Variants in DNAH12 observed in about 807,000 individuals in gnomAD.
The protein encoded by DNAH12 is axonemal beta dynein heavy chain 12.
DNAH12 carries 285 observed loss-of-function variants against 371.5 expected under a neutral mutation model. The observed-to-expected ratio is 0.77, with a 90% confidence interval of 0.70 to 0.85. The LOEUF is 0.85. Ranked by LOEUF, DNAH12 falls within the 40% of genes least tolerant of loss-of-function variation. The pLI, the probability that DNAH12 is intolerant of heterozygous loss-of-function variation, is 0.00. For synonymous variants in DNAH12, 1,200 were observed against 1,213.0 expected, an observed-to-expected ratio of 0.99 and a Z score of 0.22; for missense variants, 3,611 against 3,689.4, an observed-to-expected ratio of 0.98 and a Z score of 0.55.
chr3:57,326,138 G>A (rs1210057741), intron 62 of DNAH12, among the ~76,000 whole-genome samples: 2 of 151,938 alleles, frequency 1.3e-5, no homozygotes, highest in African/African-American at 4.8e-5. Flanking sequence ...ACACTCTGCA[G>A]GATATTATCC....
In DNAH12 at chr3:57,301,677, T is replaced by C; in HGVS notation, c.11394+58A>G. 4.3e-6 allele frequency: 5 copies of C among 1,149,896 alleles called. No homozygotes were observed. In the South Asian group the frequency reaches 5.9e-5, roughly 14 times the overall value. 71.2% of individuals were successfully genotyped at this position (1,149,896 alleles called of 1,614,324 possible). A position where few individuals can be genotyped will look rare whatever the true frequency, so the allele number is the denominator to read the frequency against. On this transcript the variant is annotated intron_variant, in intron 70 of 73. Transcript: ENST00000495027. ...ATTTTACATATTTATACATGTATTT[T>C]ACACACACACACACACACACACACA...
chr3:57,468,283 C>A (rs1430754415), intron 17 of DNAH12, among the ~76,000 whole-genome samples: 2 of 152,114 alleles, frequency 1.3e-5, no homozygotes, highest in Non-Finnish European at 2.9e-5. Context: ...CTGCAGTGAG[C>A]TATGACTATG....
rs769294621 is a variant in DNAH12, at chr3:57,425,144, G to C, written c.5254-3C>G. The C allele has an allele frequency of 1.4e-6, 1 of 693,196 alleles. No individual in the cohort carries two copies. The highest frequency in any genetic ancestry group is 2.6e-6 in the Non-Finnish European group (1 of 382,560). 42.9% of individuals were successfully genotyped at this position (693,196 alleles called of 1,614,324 possible). ...CTGTTGCTTGTAGGAATCAGTTCCT[G>C]CAAGGTGAAAATAAGATAACTTTCT... On this transcript the variant is annotated splice_polypyrimidine_tract_variant and splice_region_variant and intron_variant, in intron 34 of 73. Coordinates refer to ENST00000495027, the MANE Select transcript of DNAH12 (RefSeq NM_001366028.2).
intron 27 of DNAH12, among the ~76,000 whole-genome samples, chr3:57,445,815 C>A (rs961200071): frequency 4.0e-5 from 6 of 151,750 alleles, no homozygotes; most frequent in Non-Finnish European, 7.4e-5. Context: ...GGTAAAACCC[C>A]GTCTTTACTA....
chr3:57,379,842 CAAAAAAAAAAA>C (rs1170490495), intron 51 of DNAH12, among the ~76,000 whole-genome samples: 4 of 22,382 alleles, frequency 1.8e-4, no homozygotes, highest in Non-Finnish European at 2.8e-4. Context: ...CTCTGTCTCC[CAAAAAAAAAAA>C]AAAAAAAAAA....
chr3:57,546,217 T>C (rs945015721), upstream of DNAH12, among the ~76,000 whole-genome samples: 1 of 152,158 alleles, frequency 6.6e-6, no homozygotes, highest in Non-Finnish European at 1.5e-5. Context: ...CCCAGCCTCA[T>C]AGGGGGCACC....
chr3:57,530,409 T>A (rs2068800135), intron 2 of DNAH12: 2 of 607,212 alleles, frequency 3.3e-6, no homozygotes, highest in Non-Finnish European at 6.0e-6. Flanking sequence ...CTCTAGCACA[T>A]AGCCATCTGC....
At chr3:57,361,598 C>T (rs968936788) in intron 58 of DNAH12, among the ~76,000 whole-genome samples, 12 of 151,554 alleles carry the variant, frequency 7.9e-5, no homozygotes, top group African/African-American at 1.5e-4. Context: ...AAGATAATGA[C>T]GGAATTAATG....
At chr3:57,505,132 G>A (rs981373147) in intron 8 of DNAH12, among the ~76,000 whole-genome samples, 1 of 151,890 alleles carries the variant, frequency 6.6e-6, no homozygotes, top group Non-Finnish European at 1.5e-5. Flanking sequence ...CAAGTGACCC[G>A]CCTGCTTTGG....
rs933127502 is a variant in DNAH12 at position 57,462,552 on chromosome 3, G to A, written c.2535+138C>T. 39 of 996,110 alleles carry A rather than the reference G, an allele frequency of 3.9e-5. 1 individual carries two copies. The highest frequency in any genetic ancestry group is 9.8e-5 in the African/African-American group (6 of 61,144). 61.7% of individuals were successfully genotyped at this position (996,110 alleles called of 1,614,324 possible). A position where few individuals can be genotyped will look rare whatever the true frequency, so the allele number is the denominator to read the frequency against. On this transcript the variant is annotated intron_variant, in intron 18 of 73. Coordinates refer to ENST00000495027, the MANE Select transcript of DNAH12 (RefSeq NM_001366028.2). ...CAGATGTGAGCTACCGCACCCAGCC[G>A]GAGAGTGGTCTTCTATCACTCTCCC...
At chr3:57,380,211 A>G (rs1329401222) in intron 51 of DNAH12, 67 bp downstream of exon 51, 1 of 152,176 alleles carries the variant, frequency 6.6e-6, no homozygotes, top group Non-Finnish European at 1.5e-5. Context: ...AAACTATTGC[A>G]TAATATTAAC....
At chr3:57,441,985 G>A (rs781689723) in intron 29 of DNAH12, among the ~76,000 whole-genome samples, 12 of 152,106 alleles carry the variant, frequency 7.9e-5, no homozygotes, top group Non-Finnish European at 1.5e-4. Context: ...TGACTTCTAA[G>A]CACAACACTG....
chr3:57,437,033 A>G lies in DNAH12; in HGVS notation c.4573T>C (p.Cys1525Arg), dbSNP rs1331014569. 6.6e-7 allele frequency: 1 copy of G among 1,519,124 alleles called. No homozygotes were observed. Among genetic ancestry groups the G allele is most frequent in the Non-Finnish European group, 8.8e-7 (1 of 1,138,632 alleles). The allele number at this position is 1,519,124 out of a possible 1,614,324, so 94.1% of individuals were successfully genotyped here. Residue 1525 changes from cysteine (C) to arginine (R), a missense_variant, in exon 30 of 74, where the codon TGC becomes CGC. Around this residue, in one of 3 missense-constraint regions of DNAH12, gnomAD observed 2,266 missense variants for 2,236.9 expected, o/e 1.01. Coordinates refer to ENST00000495027, the MANE Select transcript of DNAH12 (RefSeq NM_001366028.2). ...ACAGGCTGAAGATTATGTACATTGC[A>G]GGCTTCATGAGCACATTCCAAAAAT... ...HEFLECAHEA[C>R]NVHNLQPVKF...
At position 57,382,287 on chromosome 3, in the gene DNAH12, G is replaced by A. The variant is rs2063409170; in HGVS notation, c.7967C>T (p.Ser2656Leu). 1 of 152,086 alleles carries A rather than the reference G, an allele frequency of 6.6e-6. No individual in the cohort carries two copies. Among genetic ancestry groups the A allele is most frequent in the Admixed American group, 6.6e-5 (1 of 15,258 alleles). 9.4% of individuals were successfully genotyped at this position (152,086 alleles called of 1,614,324 possible). Residue 2656 changes from serine (S) to leucine (L), a missense_variant, in exon 50 of 74, where the codon TCA (serine) becomes TTA (leucine). Around this residue, in one of 3 missense-constraint regions of DNAH12, gnomAD observed 2,266 missense variants for 2,236.9 expected, o/e 1.01. Transcript: ENST00000495027. ...CTTGCCTCCAGTCCCTGAAGGATCTGAAATTTTTTCTGGTTTTATATCTTT... is the reference window on the plus strand; with the variant it reads ...CTTGCCTCCAGTCCCTGAAGGATCTAAAATTTTTTCTGGTTTTATATCTTT... ...VMKDIKPEKI[S>L]DPSGTGGKIL...
At chr3:57,448,550 G>C (rs547895963) in intron 25 of DNAH12, among the ~76,000 whole-genome samples, 34 of 152,300 alleles carry the variant, frequency 2.2e-4, no homozygotes, top group African/African-American at 7.9e-4. Flanking sequence ...AGAGTGAGCA[G>C]TAGCAAGATT....
At chr3:57,555,970 A>G in the DNAH12 span, among the ~76,000 whole-genome samples, 1 of 152,190 alleles carries the variant, frequency 6.6e-6, no homozygotes, top group Non-Finnish European at 1.5e-5. Flanking sequence ...CAGGGAGGAG[A>G]GCTGGTCAGC....
At chr3:57,366,270 G>A (rs1397142863) in intron 57 of DNAH12, among the ~76,000 whole-genome samples, 2 of 152,026 alleles carry the variant, frequency 1.3e-5, no homozygotes, top group Non-Finnish European at 2.9e-5. Flanking sequence ...ACCCTCTATG[G>A]TCTAAAAAAG....
chr3:57,422,986 G>A (rs2064639290), intron 35 of DNAH12, among the ~76,000 whole-genome samples: 1 of 152,200 alleles, frequency 6.6e-6, no homozygotes, highest in Non-Finnish European at 1.5e-5. Context: ...ATGTATACAT[G>A]TAAAAGAGTG....
At chr3:57,433,951 T>C in intron 30 of DNAH12, 123 bp from the exon 31 acceptor site, 2 of 821,810 alleles carry the variant, frequency 2.4e-6, no homozygotes, top group Non-Finnish European at 3.4e-6. Context: ...ATATGAATTT[T>C]TCTCAGACAT....
Sources: allele counts gnomAD v4.1 joint callset (sites outside exome capture counted in the v4.1 genomes callset), GRCh38; gene constraint gnomAD v4.1.1; regional missense constraint gnomAD v4.1.1; transcripts MANE v1.5; gene names NCBI Gene and HGNC (gene_info 2026-07-23, HGNC 2026-07-21).